Variants in CD244 observed in about 807,000 individuals in gnomAD.
CD244 encodes natural killer cell receptor 2B4.
CD244 carries 20 observed loss-of-function variants against 45.5 expected under a neutral mutation model. That is an observed-to-expected ratio of 0.44 (90% CI 0.31 to 0.64). CD244 has a LOEUF of 0.64. CD244 is among the 30% of genes least tolerant of loss of function. The pLI is 0.08. For missense variants in CD244, 407 were observed against 426.9 expected (o/e 0.95, Z 0.41); for synonymous variants, 185 against 160.5 (o/e 1.15, Z -1.15).
chr1:160,831,714 T>C (rs73020000), intron 8 of CD244, among the ~76,000 whole-genome samples: 1,566 of 152,270 alleles, frequency 0.01, 23 homozygotes, highest in African/African-American at 0.036. Context: ...TCCAGTTGGC[T>C]TTAATGTTGG....
intron 1 of CD244, among the ~76,000 whole-genome samples, chr1:160,849,382 C>T (rs1032968007): frequency 2.6e-5 from 4 of 151,008 alleles, no homozygotes; most frequent in African/African-American, 9.8e-5. Flanking sequence ...TTTGCTGCAC[C>T]TATCAACCCA....
chr1:160,855,317 A>G (rs1423595422), intron 1 of CD244, among the ~76,000 whole-genome samples: 4 of 152,106 alleles, frequency 2.6e-5, no homozygotes, highest in African/African-American at 9.7e-5. Context: ...GGGGTTGGAG[A>G]TTACGAATCT....
intron 8 of CD244, 67 bp downstream of exon 8, chr1:160,832,452 C>T: frequency 3.1e-6 from 3 of 955,972 alleles, no homozygotes; most frequent in Non-Finnish European, 4.8e-6. Flanking sequence ...TAAGTGTACC[C>T]TTTCATGGCT....
Position 160,834,756 on chromosome 1 carries a change from G to A in CD244, c.895-640C>T, listed in dbSNP as rs565545365. ...ATAAATAGCCCAAGTCAGGCAGTGC[G>A]TACACAGTAGAAGCAGAATTCAAAC... is the stretch of plus-strand genomic sequence containing the variant. On this transcript the variant is annotated intron_variant, in intron 6 of 8. Transcript: ENST00000368034. 8.5e-5 allele frequency among the ~76,000 whole-genome samples: 13 copies of A among 152,320 alleles called. No individual in the cohort carries two copies. The South Asian group carries it at 1.2e-3, about 15-fold the overall frequency.
At chr1:160,861,634 C>G (rs548153549) in intron 1 of CD244, among the ~76,000 whole-genome samples, 1 of 152,194 alleles carries the variant, frequency 6.6e-6, no homozygotes, top group African/African-American at 2.4e-5. Flanking sequence ...GTCAGGAGTT[C>G]AAGACCAGCC....
At position 160,841,461 on chromosome 1, in the gene CD244, T is replaced by C. The variant is rs1669538810; in HGVS notation, c.404A>G (p.Gln135Arg). ...VFDKVEKPRL[Q>R]GQGKILDRGR... ...TCTGTCCAGGATCTTCCCCTGCCCC[T>C]GTAGGCGGGGTTTCTCAACTTTATC... The change falls in exon 3 of 9, where the codon CAG becomes CGG. Residue 135 changes from glutamine to arginine, a missense_variant. Physicochemically the swap from Gln to Arg is conservative, Grantham distance 43. Coordinates refer to ENST00000368034, the MANE Select transcript of CD244 (RefSeq NM_016382.4). 1 of 1,613,922 alleles carries C rather than the reference T, an allele frequency of 6.2e-7. No homozygotes were observed. The highest frequency in any genetic ancestry group is 1.3e-5 in the African/African-American group (1 of 74,920).
chr1:160,851,311 C>A (rs1669912314), intron 1 of CD244, among the ~76,000 whole-genome samples: 1 of 152,226 alleles, frequency 6.6e-6, no homozygotes, highest in South Asian at 2.1e-4. Context: ...TGCCTACAGG[C>A]TGCCAGCCAT....
intron 7 of CD244, 145 bp from the exon 8 acceptor site, chr1:160,832,720 C>G: frequency 6.6e-7 from 1 of 1,518,536 alleles, no homozygotes; most frequent in Non-Finnish European, 8.8e-7. Context: ...ATCTGTCACC[C>G]TAGGAGCAAA....
intron 1 of CD244, among the ~76,000 whole-genome samples, chr1:160,851,352 C>A (rs544116365): frequency 1.3e-5 from 2 of 152,300 alleles, no homozygotes; most frequent in South Asian, 4.1e-4. Flanking sequence ...AAAAAGACAT[C>A]ACTTCGGAAT....
chr1:160,839,689 A>G (rs985401115), intron 3 of CD244, among the ~76,000 whole-genome samples: 1 of 152,240 alleles, frequency 6.6e-6, no homozygotes, highest in African/African-American at 2.4e-5. Context: ...TGTTTATGCC[A>G]GGGACTTAAA....
intron 8 of CD244, among the ~76,000 whole-genome samples, chr1:160,832,133 T>TCCCAAAGA (rs767867714): frequency 1.6e-4 from 24 of 152,106 alleles, no homozygotes; most frequent in Non-Finnish European, 1.3e-4. Flanking sequence ...CTGGAATGGC[T>TCCCAAAGA]CCCAAAGACT....
rs1325248060 is a variant in CD244 at position 160,839,022 on chromosome 1, A to C, written c.683T>G (p.Ile228Ser). ...GAACAGTGCGCTTAGAATCACGATGATCACCAAAAACGGCCAAAATCTGAA... is the reference window on the plus strand; with the variant it reads ...GAACAGTGCGCTTAGAATCACGATGCTCACCAAAAACGGCCAAAATCTGAA... ...QEFRFWPFLV[I>S]IVILSALFLG... Residue 228 changes from isoleucine (I) to serine (S), a missense_variant, in exon 4 of 9, where the codon ATC becomes AGC. Physicochemically the swap from Ile to Ser is moderately radical, Grantham distance 142 (BLOSUM62 -2). Coordinates refer to ENST00000368034, the MANE Select transcript of CD244 (RefSeq NM_016382.4). The C allele has an allele frequency of 6.2e-7, 1 of 1,614,022 alleles. No individual in the cohort carries two copies. The highest frequency in any genetic ancestry group is 8.5e-7 in the Non-Finnish European group (1 of 1,179,948).
Position 160,841,299 on chromosome 1 carries a change from G to C in CD244, c.566C>G (p.Thr189Ser). 6.2e-7 allele frequency: 1 copy of C among 1,614,144 alleles called. No homozygotes were observed. Among genetic ancestry groups the C allele is most frequent in the Non-Finnish European group, 8.5e-7 (1 of 1,179,992 alleles). The change falls in exon 3 of 9, where the codon ACT (threonine) becomes AGT (serine). Residue 189 changes from threonine to serine, a missense_variant. By Grantham distance (58) the Thr-to-Ser change is moderately conservative. Transcript: ENST00000368034. ...YLDEEVDING[T>S]HTYTCNVSNP... ...GCTGACATTGCAGGTATATGTGTGA[G>C]TGCCATTAATGTCAACCTCCTCGTC...
At chr1:160,834,006 A>T in intron 7 of CD244, 45 bp downstream of exon 7, 1 of 1,384,366 alleles carries the variant, frequency 7.2e-7, no homozygotes, top group Non-Finnish European at 1.0e-6. Flanking sequence ...CAAAATACAC[A>T]TCTACATCAA....
At chr1:160,857,841 G>A (rs1670164738) in intron 1 of CD244, among the ~76,000 whole-genome samples, 4 of 152,106 alleles carry the variant, frequency 2.6e-5, no homozygotes, top group Admixed American at 2.6e-4. Flanking sequence ...GAGCCCAGGA[G>A]GTCAAGACCA....
At chr1:160,831,690 A>G (rs995956019) in intron 8 of CD244, among the ~76,000 whole-genome samples, 2 of 152,156 alleles carry the variant, frequency 1.3e-5, no homozygotes, top group Non-Finnish European at 2.9e-5. Context: ...AGTGCCCTCT[A>G]TGACCCTGGG....
chr1:160,838,764 T>C, intron 4 of CD244, 175 bp downstream of exon 4: 1 of 616,822 alleles, frequency 1.6e-6, no homozygotes, highest in South Asian at 2.0e-5. Context: ...AGGCATGAAC[T>C]GGGAGAGAGA....
rs568490161 is a variant in CD244 at position 160,837,776 on chromosome 1, G to A, written c.834+675C>T. ...AGGCTCCATCAGAGCTTTTCCCCTG[G>A]GCCTGTCACCACATCTGCCCTAAGC... On this transcript the variant is annotated intron_variant, in intron 5 of 8. Transcript: ENST00000368034. Among the ~76,000 whole-genome samples the A allele has an allele frequency of 1.4e-4, 22 of 152,338 alleles. No homozygotes were observed. In the East Asian group the frequency reaches 4.2e-3, roughly 29 times the overall value.
chr1:160,837,923 C>T (rs1382781976), intron 5 of CD244, among the ~76,000 whole-genome samples: 1 of 152,192 alleles, frequency 6.6e-6, no homozygotes. Context: ...CCTGGAGGAG[C>T]CTACTCAGGC....
Sources: allele counts gnomAD v4.1 joint callset (sites outside exome capture counted in the v4.1 genomes callset), GRCh38; gene constraint gnomAD v4.1.1; transcripts MANE v1.5; gene names NCBI Gene and HGNC (gene_info 2026-07-23, HGNC 2026-07-21).